The following CACNA1A variants were observed in gnomAD, a reference collection of about 807,000 sequenced individuals.
The protein encoded by CACNA1A is voltage-dependent P/Q-type calcium channel subunit alpha-1A.
CACNA1A carries 57 observed loss-of-function variants against 262.4 expected under a neutral mutation model. The ratio of observed to expected loss-of-function variants is 0.22; its 90% CI spans 0.18 to 0.27. The LOEUF (loss-of-function observed/expected upper bound fraction) is 0.27, where lower values mean the gene tolerates loss of function less well. Among genes scored for constraint, CACNA1A ranks in the 10% least tolerant of loss-of-function variants. CACNA1A has a pLI of 1.00. For missense variants in CACNA1A, 2,526 were observed against 3,562.8 expected, an observed-to-expected ratio of 0.71 and a Z score of 7.41; for synonymous variants, 1,431 against 1,419.3, an observed-to-expected ratio of 1.01 and a Z score of -0.18.
At chr19:13,412,768 C>A (rs963228210) in intron 3 of CACNA1A, among the ~76,000 whole-genome samples, 3 of 152,146 alleles carry the variant, frequency 2.0e-5, no homozygotes, top group African/African-American at 4.8e-5. Context: ...TTAGCCACTG[C>A]GCCCAGCTAC....
At chr19:13,216,718 A>C (rs185526074) in intron 38 of CACNA1A, among the ~76,000 whole-genome samples, 205 of 151,228 alleles carry the variant, frequency 1.4e-3, no homozygotes, top group Middle Eastern at 6.8e-3. Context: ...ATCGATCGAC[A>C]GGGACTTACT....
intron 6 of CACNA1A, among the ~76,000 whole-genome samples, chr19:13,346,573 G>C (rs1018040192): frequency 2.9e-5 from 4 of 135,712 alleles, no homozygotes; most frequent in Non-Finnish European, 6.1e-5. Flanking sequence ...CCAAGGGAGA[G>C]AAGGAGAGAA....
chr19:13,424,515 G>A (rs951158203), intron 3 of CACNA1A, among the ~76,000 whole-genome samples: 2 of 152,030 alleles, frequency 1.3e-5, no homozygotes, highest in Non-Finnish European at 2.9e-5. Flanking sequence ...ACCCAGGCTG[G>A]AGTGCAGTGG....
chr19:13,414,565 C>T (rs183652257), intron 3 of CACNA1A, among the ~76,000 whole-genome samples: 43 of 152,222 alleles, frequency 2.8e-4, no homozygotes, highest in Middle Eastern at 6.8e-3. Flanking sequence ...CCCATGACAG[C>T]GACTGGGAAG....
chr19:13,243,366 C>G (rs2056132974), intron 31 of CACNA1A, among the ~76,000 whole-genome samples: 1 of 152,130 alleles, frequency 6.6e-6, no homozygotes, highest in South Asian at 2.1e-4. Context: ...ATGGCCCCCT[C>G]TTTTGTGTAG....
At chr19:13,439,422 C>T (rs1273193418) in intron 3 of CACNA1A, among the ~76,000 whole-genome samples, 7 of 116,068 alleles carry the variant, frequency 6.0e-5, no homozygotes, top group Admixed American at 1.9e-4. Context: ...TTTTTTTTGA[C>T]GGAGTCTCGT....
At chr19:13,489,334 T>C (rs1338351091) in intron 1 of CACNA1A, among the ~76,000 whole-genome samples, 3 of 152,076 alleles carry the variant, frequency 2.0e-5, no homozygotes, top group Non-Finnish European at 1.5e-5. Context: ...AAAATTGCAA[T>C]AGCCATGTGT....
At chr19:13,441,237 C>A (rs1263197549) in intron 3 of CACNA1A, among the ~76,000 whole-genome samples, 1 of 152,172 alleles carries the variant, frequency 6.6e-6, no homozygotes, top group African/African-American at 2.4e-5. Context: ...TCCACTCTAA[C>A]CCCAAAGACC....
intron 3 of CACNA1A, among the ~76,000 whole-genome samples, chr19:13,388,411 A>ATGCC (rs2059656236): frequency 6.6e-6 from 1 of 151,768 alleles, no homozygotes; most frequent in African/African-American, 2.4e-5. Flanking sequence ...ACATGCCACC[A>ATGCC]TGCCTGGCTA....
intron 19 of CACNA1A, 77 bp downstream of exon 19, chr19:13,298,467 C>T: frequency 7.7e-7 from 1 of 1,298,058 alleles, no homozygotes; most frequent in Non-Finnish European, 1.1e-6. Flanking sequence ...TAAACAAATA[C>T]ACAGCACGTG....
chr19:13,408,455 G>A (rs1326519636), intron 3 of CACNA1A, among the ~76,000 whole-genome samples: 1 of 152,222 alleles, frequency 6.6e-6, no homozygotes, highest in Non-Finnish European at 1.5e-5. Context: ...AGGAACCTGG[G>A]TAAGTTTCAG....
At chr19:13,249,886 T>G (rs2056350356) in intron 30 of CACNA1A, among the ~76,000 whole-genome samples, 1 of 152,096 alleles carries the variant, frequency 6.6e-6, no homozygotes, top group South Asian at 2.1e-4. Flanking sequence ...CCTGGTTTCC[T>G]GAGACCCTGG....
intron 3 of CACNA1A, among the ~76,000 whole-genome samples, chr19:13,378,685 C>A (rs2059459032): frequency 6.6e-6 from 1 of 151,444 alleles, no homozygotes; most frequent in African/African-American, 2.4e-5. Context: ...TTTTTTGAGA[C>A]AGAGTCTCAG....
intron 12 of CACNA1A, 53 bp downstream of exon 12, chr19:13,312,616 G>A (rs918749286): frequency 4.7e-6 from 5 of 1,061,466 alleles, no homozygotes; most frequent in Non-Finnish European, 7.0e-6. Context: ...CCAGGTATCT[G>A]TCATTCCAGG....
At chr19:13,405,005 T>C (rs1338984355) in intron 3 of CACNA1A, among the ~76,000 whole-genome samples, 6 of 151,796 alleles carry the variant, frequency 4.0e-5, no homozygotes, top group Non-Finnish European at 5.9e-5. Context: ...CAAGCGATTC[T>C]CCTGCCTCAG....
At chr19:13,338,861 T>A (rs2058623885) in intron 6 of CACNA1A, among the ~76,000 whole-genome samples, 1 of 151,750 alleles carries the variant, frequency 6.6e-6, no homozygotes, top group Non-Finnish European at 1.5e-5. Flanking sequence ...TCTACTTCAA[T>A]TCTTAAAAAG....
intron 1 of CACNA1A, among the ~76,000 whole-genome samples, chr19:13,477,500 C>G (rs1205291634): frequency 1.3e-5 from 2 of 152,104 alleles, no homozygotes; most frequent in Non-Finnish European, 2.9e-5. Context: ...ACTGTTTTGC[C>G]CATTTTATGG....
intron 1 of CACNA1A, among the ~76,000 whole-genome samples, chr19:13,505,554 C>G (rs1381422106): frequency 6.6e-6 from 1 of 152,144 alleles, no homozygotes; most frequent in Non-Finnish European, 1.5e-5. Flanking sequence ...CAGAAGCGCC[C>G]AGGCCCGAGC....
At chr19:13,402,777 T>TACAC (rs1436795574) in intron 3 of CACNA1A, among the ~76,000 whole-genome samples, 4 of 133,446 alleles carry the variant, frequency 3.0e-5, no homozygotes, top group Admixed American at 1.7e-4. Flanking sequence ...TACATATATA[T>TACAC]ACATATATAT....
Sources: allele counts gnomAD v4.1 joint callset (sites outside exome capture counted in the v4.1 genomes callset), GRCh38; gene constraint gnomAD v4.1.1; transcripts MANE v1.5; gene names NCBI Gene and HGNC (gene_info 2026-07-23, HGNC 2026-07-21).